CCDC88A: variants seen among roughly 807,000 people sequenced by gnomAD.
CCDC88A encodes girdin.
In CCDC88A, 54 loss-of-function variants were observed where a neutral mutation model predicts 234.3. The observed-to-expected ratio is 0.23, with a 90% confidence interval of 0.19 to 0.29. CCDC88A has a LOEUF of 0.29. Among genes scored for constraint, CCDC88A ranks in the 10% least tolerant of loss-of-function variants. CCDC88A has a pLI of 1.00. For synonymous variants in CCDC88A, 753 were observed against 737.8 expected (o/e 1.02, Z -0.33); for missense variants, 1,832 against 2,123.4 (o/e 0.86, Z 2.70).
At chr2:55,349,875 T>G (rs1404180139) in intron 8 of CCDC88A, 1 of 242,024 alleles carries the variant, frequency 4.1e-6, no homozygotes, top group East Asian at 9.0e-5. Context: ...TTTCCTGCCC[T>G]TCCATTTCCA....
rs1679397925 is a variant in CCDC88A at position 55,290,924 on chromosome 2, A to G, written c.*276T>C. On this transcript the variant is annotated 3_prime_UTR_variant, in exon 33 of 33. Transcript: ENST00000436346. The stretch of plus-strand genomic sequence containing the variant: ...CTTAGTGAGAGAACGTCCTTTATTC[A>G]GTAGATCTTAACAGTACAAGGTATA... The G allele has an allele frequency of 6.6e-6, 1 of 152,600 alleles. No homozygotes were observed. Among genetic ancestry groups the G allele is most frequent in the African/African-American group, 2.4e-5 (1 of 41,468 alleles). 9.5% of individuals were successfully genotyped at this position (152,600 alleles called of 1,614,324 possible). A position where few individuals can be genotyped will look rare whatever the true frequency, so the allele number is the denominator to read the frequency against.
intron 2 of CCDC88A, among the ~76,000 whole-genome samples, chr2:55,416,213 T>C (rs1681357369): frequency 6.6e-6 from 1 of 151,474 alleles, no homozygotes; most frequent in Admixed American, 6.6e-5. Flanking sequence ...GATGAAGTTA[T>C]AATATCTGGA....
At chr2:55,296,116 G>T in intron 30 of CCDC88A, 60 bp from the exon 31 acceptor site, 1 of 1,379,156 alleles carries the variant, frequency 7.3e-7, no homozygotes, top group South Asian at 1.4e-5. Context: ...TTACTTTCCT[G>T]ATTTAGCAGA....
Position 55,287,924 on chromosome 2 carries a change from G to C in CCDC88A, c.*3276C>G, listed in dbSNP as rs1385805910. ...TGTTAGTCCAACTTAATTTTTGAAG[G>C]AGAAACAAAATGAAAAATGTTTTTT... On this transcript the variant is annotated 3_prime_UTR_variant, in exon 33 of 33. Transcript: ENST00000436346. The C allele has an allele frequency of 6.6e-6, 1 of 152,448 alleles. No individual in the cohort carries two copies. Among genetic ancestry groups the C allele is most frequent in the Non-Finnish European group, 1.5e-5 (1 of 68,002 alleles). 9.4% of individuals were successfully genotyped at this position (152,448 alleles called of 1,614,324 possible). A position where few individuals can be genotyped will look rare whatever the true frequency, so the allele number is the denominator to read the frequency against.
rs915603908 is a variant in CCDC88A at position 55,372,412 on chromosome 2, G to C, written c.402+40C>G. The C allele has an allele frequency of 5.2e-6, 5 of 956,106 alleles. No individual in the cohort carries two copies. The African/African-American group carries it at 6.6e-5, about 13-fold the overall frequency. The allele number at this position is 956,106 out of a possible 1,614,324, so 59.2% of individuals were successfully genotyped here. A position where few individuals can be genotyped will look rare whatever the true frequency, so the allele number is the denominator to read the frequency against. ...ACAGCCTGATAAAAATATATAAAGA[G>C]GTTGTTAAAATGAAAATATGAAAAA... On this transcript the variant is annotated intron_variant, in intron 5 of 32. Coordinates refer to ENST00000436346, the MANE Select transcript of CCDC88A (RefSeq NM_001365480.1).
intron 3 of CCDC88A, among the ~76,000 whole-genome samples, chr2:55,378,738 CTTTTTTTTTTTTTTT>C (rs79242911): frequency 7.0e-6 from 1 of 142,878 alleles, no homozygotes; most frequent in African/African-American, 2.7e-5. Flanking sequence ...TACACATATA[CTTTTTTTTTTTTTTT>C]TTTTTTTTTT....
intron 25 of CCDC88A, among the ~76,000 whole-genome samples, chr2:55,303,777 A>C (rs1574023300): frequency 6.6e-6 from 1 of 152,334 alleles, no homozygotes; most frequent in Non-Finnish European, 1.5e-5. Flanking sequence ...TTCCTAGTTA[A>C]GTCGTAAAGG....
At chr2:55,322,736 C>T in intron 17 of CCDC88A, 44 bp from the exon 18 acceptor site, 1 of 1,068,854 alleles carries the variant, frequency 9.4e-7, no homozygotes, top group Non-Finnish European at 1.3e-6. Flanking sequence ...AAAAAAATCA[C>T]CACAGTTACA....
rs758482748 is a variant in CCDC88A, at chr2:55,419,074, C to A, written c.6G>T (p.Glu2Asp). 4.4e-6 allele frequency: 7 copies of A among 1,608,042 alleles called. No individual in the cohort carries two copies. Among genetic ancestry groups the A allele is most frequent in the Non-Finnish European group, 5.1e-6 (6 of 1,174,518 alleles). The change falls in exon 1 of 33, where the codon GAG becomes GAT. Residue 2 changes from glutamate to aspartate, a missense_variant. Transcript: ENST00000436346. ...CCAGAAGGGGAGTAAAAATTTCGTT[C>A]TCCATTTTACAGAGTATGTATTTGA... The part of the protein sequence containing the change: M[E>D]NEIFTPLLEQ...
chr2:55,344,120 A>C, intron 11 of CCDC88A: 1 of 366,322 alleles, frequency 2.7e-6, no homozygotes, highest in South Asian at 9.5e-5. Context: ...ATGTTTACAC[A>C]ATAGCTTATT....
chr2:55,302,104 A>G (rs1574015723), intron 26 of CCDC88A, 32 bp from the exon 27 acceptor site: 2 of 1,529,140 alleles, frequency 1.3e-6, no homozygotes, highest in Non-Finnish European at 1.8e-6. Flanking sequence ...ATGAATCAGC[A>G]TGGTTAATGT....
chr2:55,346,092 C>T, intron 10 of CCDC88A, 83 bp downstream of exon 10: 4 of 926,288 alleles, frequency 4.3e-6, no homozygotes, highest in Non-Finnish European at 4.8e-6. Flanking sequence ...TCAAGAGTTT[C>T]TCATGTTTAT....
At chr2:55,418,709 AT>A (rs1681864746) in intron 2 of CCDC88A, 106 bp downstream of exon 2, 1 of 792,432 alleles carries the variant, frequency 1.3e-6, no homozygotes, top group Non-Finnish European at 2.2e-6. Flanking sequence ...CCACCTGAAT[AT>A]TTCTGGCCAA....
At position 55,322,514 on chromosome 2, in the gene CCDC88A, T is replaced by G. The variant is rs1428738740; in HGVS notation, c.3162+14A>C. 2.7e-6 allele frequency: 4 copies of G among 1,479,042 alleles called. No homozygotes were observed. The highest frequency in any genetic ancestry group is 3.7e-6 in the Non-Finnish European group (4 of 1,071,572). The allele number at this position is 1,479,042 out of a possible 1,614,324, so 91.6% of individuals were successfully genotyped here. A position where few individuals can be genotyped will look rare whatever the true frequency, so the allele number is the denominator to read the frequency against. On this transcript the variant is annotated intron_variant, in intron 18 of 32. Transcript: ENST00000436346. The stretch of plus-strand genomic sequence containing the variant: ...TAAAAAAAACTATTTCTACTAAAAT[T>G]TAAAAATACTTACATTTCTTTCTAC...
rs530767246 is a variant in CCDC88A, at chr2:55,341,508, G to T, written c.1334-1860C>A. 4.7e-5 allele frequency among the ~76,000 whole-genome samples: 7 copies of T among 148,592 alleles called. No homozygotes were observed. In the East Asian group the frequency reaches 1.4e-3, roughly 30 times the overall value. On this transcript the variant is annotated intron_variant, in intron 12 of 32. Transcript: ENST00000436346. ...CACCTAGGCTGGAGTGCAATAGGAT[G>T]ATCTCAGCTCACTGCAACTTCTGCC...
At chr2:55,296,610 A>G in intron 29 of CCDC88A, 87 bp from the exon 30 acceptor site, 2 of 1,311,152 alleles carry the variant, frequency 1.5e-6, no homozygotes, top group Non-Finnish European at 2.1e-6. Flanking sequence ...ACTGTGTGCT[A>G]ATTATATGAA....
intron 17 of CCDC88A, 147 bp from the exon 18 acceptor site, chr2:55,322,839 T>G: frequency 2.3e-6 from 1 of 440,050 alleles, no homozygotes; most frequent in Non-Finnish European, 4.0e-6. Flanking sequence ...GATTTATGCT[T>G]TTTAAAATGT....
chr2:55,356,413 G>A (rs1008196067), intron 7 of CCDC88A: 2 of 149,794 alleles, frequency 1.3e-5, no homozygotes, highest in Non-Finnish European at 2.9e-5. Flanking sequence ...GGGCATTTGG[G>A]TTCATTCCAT....
intron 17 of CCDC88A, among the ~76,000 whole-genome samples, chr2:55,326,385 A>G (rs1193190102): frequency 6.6e-6 from 1 of 152,080 alleles, no homozygotes; most frequent in Non-Finnish European, 1.5e-5. Context: ...CCTCTTTGTC[A>G]TACTAATTTA....
Sources: gnomAD v4.1 joint callset for allele counts (sites outside exome capture counted in the v4.1 genomes callset) on GRCh38, gnomAD v4.1.1 for gene constraint, MANE v1.5 for transcripts, NCBI Gene and HGNC (gene_info 2026-07-23, HGNC 2026-07-21) for gene names.